SGCD: variants seen among roughly 807,000 people sequenced by gnomAD.
The protein encoded by SGCD is sarcoglycan delta, also known as delta-sarcoglycan.
SGCD carries 18 observed loss-of-function variants against 36.6 expected under a neutral mutation model. That is an observed-to-expected ratio of 0.49 (90% CI 0.34 to 0.73). The LOEUF (loss-of-function observed/expected upper bound fraction) is 0.73, where lower values mean the gene tolerates loss of function less well. SGCD is among the 30% of genes least tolerant of loss of function. SGCD has a pLI of 0.01. For synonymous variants in SGCD, 133 were observed against 130.6 expected, an observed-to-expected ratio of 1.02 and a Z score of -0.12; for missense variants, 387 against 346.7, an observed-to-expected ratio of 1.12 and a Z score of -0.92.
intron 3 of SGCD, among the ~76,000 whole-genome samples, chr5:156,507,634 A>G (rs1756757840): frequency 6.6e-6 from 1 of 152,236 alleles, no homozygotes; most frequent in South Asian, 2.1e-4. Context: ...CAGGAAACAT[A>G]ACGAATAGAG....
At chr5:156,110,167 C>T (rs965812760) in intron 1 of SGCD, among the ~76,000 whole-genome samples, 1 of 152,156 alleles carries the variant, frequency 6.6e-6, no homozygotes, top group Non-Finnish European at 1.5e-5. Flanking sequence ...TGACTCAAAT[C>T]TCAGCCCTGC....
intron 3 of SGCD, among the ~76,000 whole-genome samples, chr5:156,405,036 C>A (rs1772336393): frequency 6.6e-6 from 1 of 152,172 alleles, no homozygotes; most frequent in Non-Finnish European, 1.5e-5. Context: ...AGTCACCAGC[C>A]TAATCACATA....
chr5:155,879,164 C>A (rs244988), intron 1 of SGCD, among the ~76,000 whole-genome samples: 16,734 of 152,108 alleles, frequency 0.11, 988 homozygotes, highest in South Asian at 0.2. Flanking sequence ...GATTACCTGG[C>A]TCTTAGCCAA....
At chr5:155,849,257 C>T in the SGCD span, among the ~76,000 whole-genome samples, 1 of 152,112 alleles carries the variant, frequency 6.6e-6, no homozygotes, top group Non-Finnish European at 1.5e-5. Context: ...CTCTCTTTCT[C>T]TCTATCAGAA....
chr5:156,173,494 A>G (rs1008840880), intron 3 of SGCD, among the ~76,000 whole-genome samples: 4 of 152,212 alleles, frequency 2.6e-5, no homozygotes, highest in African/African-American at 9.6e-5. Flanking sequence ...AAAATTGAAA[A>G]GGAAAATAAT....
chr5:155,835,572 C>CAT, the SGCD span, among the ~76,000 whole-genome samples: 2 of 152,138 alleles, frequency 1.3e-5, no homozygotes, highest in Non-Finnish European at 2.9e-5. Context: ...TTCTGATGTA[C>CAT]ATATACATAG....
intron 3 of SGCD, among the ~76,000 whole-genome samples, chr5:156,507,264 A>G (rs1756743000): frequency 6.6e-6 from 1 of 152,216 alleles, no homozygotes; most frequent in Non-Finnish European, 1.5e-5. Context: ...AGGATACAGA[A>G]GATTCAGAGT....
intron 1 of SGCD, among the ~76,000 whole-genome samples, chr5:155,903,366 AT>A (rs879673586): frequency 1.3e-5 from 2 of 152,140 alleles, no homozygotes; most frequent in Admixed American, 6.5e-5. Flanking sequence ...TGGGGCAGAG[AT>A]TTTTTTGTTG....
At chr5:156,105,589 G>A (rs993214882) in intron 1 of SGCD, among the ~76,000 whole-genome samples, 1 of 152,168 alleles carries the variant, frequency 6.6e-6, no homozygotes, top group African/African-American at 2.4e-5. Context: ...TTATTACACA[G>A]ATGACAAATG....
intron 1 of SGCD, among the ~76,000 whole-genome samples, chr5:155,890,074 G>A (rs1327379168): frequency 6.6e-6 from 1 of 152,160 alleles, no homozygotes; most frequent in Non-Finnish European, 1.5e-5. Context: ...ACTCATGGTT[G>A]ACACATGCTC....
intron 2 of SGCD, 103 bp from the exon 3 acceptor site, chr5:156,344,386 G>A: frequency 1.3e-6 from 1 of 774,940 alleles, no homozygotes. Context: ...GTAGACAGCA[G>A]CCAGCCATAT....
chr5:156,597,064 C>T (rs1468081265), intron 6 of SGCD, among the ~76,000 whole-genome samples: 2 of 152,260 alleles, frequency 1.3e-5, no homozygotes, highest in East Asian at 1.9e-4. Flanking sequence ...GCAGTCTAAT[C>T]CCTGGTCAGT....
the SGCD span, among the ~76,000 whole-genome samples, chr5:155,811,422 A>G: frequency 2.0e-4 from 30 of 152,318 alleles, no homozygotes; most frequent in Admixed American, 1.0e-3. Flanking sequence ...TTAGAGAATA[A>G]ATTTGGCCAA....
At chr5:156,681,745 C>T (rs576942303) in intron 7 of SGCD, among the ~76,000 whole-genome samples, 1 of 152,072 alleles carries the variant, frequency 6.6e-6, no homozygotes, top group Admixed American at 6.6e-5. Flanking sequence ...TGGGGGAGAA[C>T]AAACACAATT....
the SGCD span, among the ~76,000 whole-genome samples, chr5:155,799,079 C>T: frequency 4.6e-5 from 7 of 152,074 alleles, no homozygotes; most frequent in African/African-American, 1.7e-4. Flanking sequence ...TCATTATTGT[C>T]CAAGGGACAA....
intron 1 of SGCD, among the ~76,000 whole-genome samples, chr5:155,975,461 G>A (rs1378728830): frequency 2.6e-5 from 4 of 151,998 alleles, no homozygotes; most frequent in Non-Finnish European, 1.5e-5. Context: ...TATCAACAGT[G>A]CTGAGGTGGA....
At chr5:156,060,232 T>A (rs1760168741) in intron 1 of SGCD, among the ~76,000 whole-genome samples, 1 of 146,102 alleles carries the variant, frequency 6.8e-6, no homozygotes, top group African/African-American at 2.5e-5. Flanking sequence ...AGAGGAGAAA[T>A]GTGGAGACCA....
chr5:156,677,867 C>A (rs748563855), intron 7 of SGCD, among the ~76,000 whole-genome samples: 2 of 152,184 alleles, frequency 1.3e-5, no homozygotes, highest in Non-Finnish European at 2.9e-5. Context: ...GGAAGGTTTT[C>A]AGACTTCCTG....
At chr5:156,433,571 T>G (rs1753116809) in intron 3 of SGCD, among the ~76,000 whole-genome samples, 1 of 152,214 alleles carries the variant, frequency 6.6e-6, no homozygotes, top group African/African-American at 2.4e-5. Context: ...CCTGCCCTAC[T>G]ACCTGTACAG....
Sources: gnomAD v4.1 joint callset for allele counts (sites outside exome capture counted in the v4.1 genomes callset) on GRCh38, gnomAD v4.1.1 for gene constraint, MANE v1.5 for transcripts, NCBI Gene and HGNC (gene_info 2026-07-23, HGNC 2026-07-21) for gene names.